Variants in TCF4 observed in about 807,000 individuals in gnomAD.
The protein encoded by TCF4 is transcription factor 4.
A neutral mutation model predicts 82.1 loss-of-function variants in TCF4; 3 were observed. The ratio of observed to expected loss-of-function variants is 0.04; its 90% CI spans 0.02 to 0.09. The LOEUF (loss-of-function observed/expected upper bound fraction) is 0.09, where lower values mean the gene tolerates loss of function less well. Among genes scored for constraint, TCF4 ranks in the 10% least tolerant of loss-of-function variants. The probability of loss-of-function intolerance (pLI) is 1.00; values close to 1 mark genes in which losing one functional copy is unlikely to be tolerated. For synonymous variants in TCF4, 276 were observed against 309.6 expected (o/e 0.89, Z 1.14); for missense variants, 518 against 852.7 (o/e 0.61, Z 4.89).
intron 2 of TCF4, among the ~76,000 whole-genome samples, chr18:55,622,011 TA>T (rs1409427763): frequency 2.2e-5 from 3 of 133,812 alleles, no homozygotes; most frequent in African/African-American, 8.4e-5. Context: ...ATACACTATA[TA>T]TATTATATAC....
chr18:55,397,873 T>C (rs1033905325), intron 6 of TCF4, among the ~76,000 whole-genome samples: 4 of 152,184 alleles, frequency 2.6e-5, no homozygotes, highest in African/African-American at 9.7e-5. Context: ...ATATTATACA[T>C]ACACACAAGA....
intron 11 of TCF4, chr18:55,265,029 A>T (rs2058820079): frequency 6.6e-6 from 1 of 152,222 alleles, no homozygotes; most frequent in South Asian, 2.1e-4. Context: ...GTTACATGCT[A>T]GACCACCCTC....
At chr18:55,446,777 G>A (rs1395072741) in intron 5 of TCF4, among the ~76,000 whole-genome samples, 1 of 152,016 alleles carries the variant, frequency 6.6e-6, no homozygotes, top group Non-Finnish European at 1.5e-5. Flanking sequence ...TAGGTCAGGA[G>A]ATGGAGACCA....
chr18:55,394,148 T>A (rs2093347264), intron 6 of TCF4, among the ~76,000 whole-genome samples: 1 of 152,192 alleles, frequency 6.6e-6, no homozygotes, highest in African/African-American at 2.4e-5. Context: ...TGAAATTTAA[T>A]AACTTACTGT....
rs1237672219 is a variant in TCF4 at position 55,227,810 on chromosome 18, A to G, written c.*225T>C. 4.2e-6 allele frequency: 1 copy of G among 240,102 alleles called. No homozygotes were observed. The highest frequency in any genetic ancestry group is 5.2e-5 in the Admixed American group (1 of 19,078). The allele number at this position is 240,102 out of a possible 1,614,324, so 14.9% of individuals were successfully genotyped here. On this transcript the variant is annotated 3_prime_UTR_variant, in exon 20 of 20. Coordinates refer to ENST00000354452, the MANE Select transcript of TCF4 (RefSeq NM_001083962.2). Reference sequence around the variant, plus strand: ...ACATTCTGAATGATATGTTAAAGAAAGTCGTCCCTCAAGTTGCACTTTTTT... The same window carrying G: ...ACATTCTGAATGATATGTTAAAGAAGGTCGTCCCTCAAGTTGCACTTTTTT...
intron 2 of TCF4, among the ~76,000 whole-genome samples, chr18:55,624,576 T>A (rs1482408433): frequency 1.4e-4 from 19 of 137,156 alleles, no homozygotes; most frequent in Admixed American, 1.5e-4. Flanking sequence ...AGACCCAGAT[T>A]AAAAAAAAAA....
In TCF4 at chr18:55,224,677, A is replaced by G. The variant is rs1299304544; in HGVS notation, c.*3358T>C. ...AGAAATAGGAAAAAGTGAAAAATAA[A>G]AAGGAATCGGAAGACTGAATCAGAA... On this transcript the variant is annotated 3_prime_UTR_variant, in exon 20 of 20. Coordinates refer to ENST00000354452, the MANE Select transcript of TCF4 (RefSeq NM_001083962.2). 6.6e-6 allele frequency: 1 copy of G among 152,648 alleles called. No individual in the cohort carries two copies. Among genetic ancestry groups the G allele is most frequent in the East Asian group, 1.9e-4 (1 of 5,202 alleles). The allele number at this position is 152,648 out of a possible 1,614,324, so 9.5% of individuals were successfully genotyped here. A position where few individuals can be genotyped will look rare whatever the true frequency, so the allele number is the denominator to read the frequency against.
chr18:55,488,446 G>C (rs2096540798), intron 3 of TCF4, among the ~76,000 whole-genome samples: 1 of 151,154 alleles, frequency 6.6e-6, no homozygotes, highest in Non-Finnish European at 1.5e-5. Context: ...TGAGAATTAG[G>C]AGATGGAGAA....
intron 8 of TCF4, among the ~76,000 whole-genome samples, chr18:55,333,780 G>C (rs1160601832): frequency 6.6e-6 from 1 of 152,174 alleles, no homozygotes; most frequent in Non-Finnish European, 1.5e-5. Flanking sequence ...TTGAAAGGCA[G>C]GACGAGGTTT....
chr18:55,377,469 A>G (rs150900799), intron 6 of TCF4, among the ~76,000 whole-genome samples: 3,454 of 152,322 alleles, frequency 0.023, 66 homozygotes, highest in Non-Finnish European at 0.035. Context: ...TCCTGTTATT[A>G]TCAGGAAAAA....
chr18:55,523,867 A>G (rs1378765185), intron 3 of TCF4, among the ~76,000 whole-genome samples: 1 of 152,108 alleles, frequency 6.6e-6, no homozygotes, highest in Non-Finnish European at 1.5e-5. Flanking sequence ...TGCCAGACAA[A>G]TAAGAAAATT....
intron 2 of TCF4, chr18:55,631,249 C>T (rs2097731331): frequency 1.2e-6 from 1 of 822,140 alleles, no homozygotes; most frequent in East Asian, 2.8e-5. Context: ...AGGATTTCAT[C>T]ATGTTGGCCA....
intron 3 of TCF4, among the ~76,000 whole-genome samples, chr18:55,526,138 C>T (rs2096981277): frequency 6.6e-6 from 1 of 152,114 alleles, no homozygotes; most frequent in African/African-American, 2.4e-5. Context: ...CCACTGGACT[C>T]AACAATGTAT....
rs1040642298 is a variant in TCF4 at position 55,279,584 on chromosome 18, T to C, written c.622A>G (p.Thr208Ala). Reference protein sequence around the residue: ...SPGYPSSKPATSTFPSSFFMQ... With the variant: ...SPGYPSSKPAASTFPSSFFMQ... ...AAGAAGGAGCTAGGGAAAGTGCTGG[T>C]TGCTGGTTTGGAGGAAGGATAGCCT... Residue 208 changes from threonine to alanine, a missense_variant, in exon 9 of 20, where the codon ACC (threonine) becomes GCC (alanine). Physicochemically the swap from Thr to Ala is moderately conservative, Grantham distance 58. Coordinates refer to ENST00000354452, the MANE Select transcript of TCF4 (RefSeq NM_001083962.2). The C allele has an allele frequency of 6.2e-7, 1 of 1,613,934 alleles. No homozygotes were observed. The highest frequency in any genetic ancestry group is 8.5e-7 in the Non-Finnish European group (1 of 1,179,900).
chr18:55,581,732 T>C (rs2097576814), intron 3 of TCF4, among the ~76,000 whole-genome samples: 1 of 152,132 alleles, frequency 6.6e-6, no homozygotes, highest in African/African-American at 2.4e-5. Context: ...CATATTATGT[T>C]GGTGTCATGT....
intron 6 of TCF4, among the ~76,000 whole-genome samples, chr18:55,403,216 A>C (rs1283459072): frequency 6.6e-6 from 1 of 152,134 alleles, no homozygotes; most frequent in African/African-American, 2.4e-5. Context: ...GTACCGGCTG[A>C]TGGATTAAAA....
upstream of TCF4, among the ~76,000 whole-genome samples, chr18:55,589,997 G>A (rs562945760): frequency 5.9e-5 from 9 of 152,342 alleles, no homozygotes; most frequent in African/African-American, 2.2e-4. Flanking sequence ...GCGTGGGGCG[G>A]CACTGTGGGA....
At chr18:55,539,643 C>G (rs186940709) in intron 3 of TCF4, among the ~76,000 whole-genome samples, 9 of 152,172 alleles carry the variant, frequency 5.9e-5, no homozygotes, top group Admixed American at 5.2e-4. Flanking sequence ...AGTCAGTAGA[C>G]ACACAAAGGA....
intron 3 of TCF4, among the ~76,000 whole-genome samples, chr18:55,512,467 T>C (rs1376274703): frequency 6.6e-6 from 1 of 152,106 alleles, no homozygotes; most frequent in Non-Finnish European, 1.5e-5. Flanking sequence ...ACATTGGCTA[T>C]CTCCACAATG....
Sources: gnomAD v4.1 joint callset for allele counts (sites outside exome capture counted in the v4.1 genomes callset) on GRCh38, gnomAD v4.1.1 for gene constraint, MANE v1.5 for transcripts, NCBI Gene and HGNC (gene_info 2026-07-23, HGNC 2026-07-21) for gene names.